The following NEMF variants were observed in gnomAD, a reference collection of about 807,000 sequenced individuals.
NEMF encodes nuclear export mediator factor.
In NEMF, 89 loss-of-function variants were observed where a neutral mutation model predicts 162.2. The observed-to-expected ratio is 0.55, with a 90% CI of 0.46 to 0.65. The LOEUF (loss-of-function observed/expected upper bound fraction) is 0.65, where lower values mean the gene tolerates loss of function less well. Ranked by LOEUF, NEMF falls within the 30% of genes least tolerant of loss-of-function variation. NEMF has a pLI of 0.00. For missense variants in NEMF, 1,133 were observed against 1,261.9 expected, an observed-to-expected ratio of 0.90 and a Z score of 1.55; for synonymous variants, 421 against 404.5, an observed-to-expected ratio of 1.04 and a Z score of -0.49.
intron 22 of NEMF, chr14:49,800,921 T>C (rs1890923786): frequency 2.1e-6 from 1 of 476,108 alleles, no homozygotes; most frequent in Admixed American, 3.8e-5. Flanking sequence ...AATAAATTTC[T>C]TGGACATTGC....
At position 49,783,052 on chromosome 14, in the gene NEMF, T is replaced by C. The variant is rs1194583983; in HGVS notation, c.*1584A>G. ...GTATAATTATATGCATTGTTGTAGT[T>C]TGCACCTGTTGGTTTTAATGTGCAT... On this transcript the variant is annotated 3_prime_UTR_variant, in exon 33 of 33. Coordinates refer to ENST00000298310, the MANE Select transcript of NEMF (RefSeq NM_004713.6). 7.7e-7 allele frequency: 1 copy of C among 1,298,428 alleles called. No homozygotes were observed. Among genetic ancestry groups the C allele is most frequent in the East Asian group, 2.4e-5 (1 of 41,126 alleles). 80.4% of individuals were successfully genotyped at this position (1,298,428 alleles called of 1,614,324 possible).
At chr14:49,817,127 T>C (rs576216454) in intron 16 of NEMF, among the ~76,000 whole-genome samples, 1 of 152,090 alleles carries the variant, frequency 6.6e-6, no homozygotes, top group East Asian at 1.9e-4. Flanking sequence ...AATATAAGGA[T>C]GGAAAGGTTG....
chr14:49,852,317 G>A (rs2140043996), intron 1 of NEMF, among the ~76,000 whole-genome samples: 1 of 152,304 alleles, frequency 6.6e-6, no homozygotes, highest in Admixed American at 6.5e-5. Context: ...CTGGGGTGAG[G>A]GGAGGGAGGT....
Position 49,789,477 on chromosome 14 carries a change from GT to G in NEMF, c.2697+18del, listed in dbSNP as rs763864035. 8.7e-6 allele frequency: 14 copies of G among 1,611,048 alleles called. No individual in the cohort carries two copies. Among genetic ancestry groups the G allele is most frequent in the African/African-American group, 1.3e-5 (1 of 74,702 alleles). On this transcript the variant is annotated intron_variant, in intron 27 of 32. Coordinates refer to ENST00000298310, the MANE Select transcript of NEMF (RefSeq NM_004713.6). The stretch of plus-strand genomic sequence containing the variant: ...CCATTTGAAAAGCAAAAGAAAAAAT[GT>G]TTTTAGATGTTATTTACCCCCAGCA...
intron 26 of NEMF, among the ~76,000 whole-genome samples, chr14:49,791,132 G>A (rs750021083): frequency 6.6e-6 from 1 of 151,408 alleles, no homozygotes; most frequent in Non-Finnish European, 1.5e-5. Flanking sequence ...TCAGGAGATC[G>A]AGACCATCCT....
intron 3 of NEMF, among the ~76,000 whole-genome samples, chr14:49,848,579 G>A (rs571758671): frequency 1.3e-5 from 2 of 152,142 alleles, no homozygotes; most frequent in Admixed American, 1.3e-4. Flanking sequence ...GCTCACGCCT[G>A]TAATCCCAGC....
intron 1 of NEMF, among the ~76,000 whole-genome samples, chr14:49,852,294 GCT>G (rs140542904): frequency 1.3e-5 from 2 of 151,592 alleles, no homozygotes; most frequent in South Asian, 2.1e-4. Flanking sequence ...AAACCGCGAT[GCT>G]CTCTCTCTCT....
chr14:49,803,940 T>A (rs1435940339), intron 19 of NEMF, among the ~76,000 whole-genome samples: 1 of 152,142 alleles, frequency 6.6e-6, no homozygotes, highest in Non-Finnish European at 1.5e-5. Flanking sequence ...CTATGTTTAC[T>A]AAAATAAAGC....
chr14:49,851,465 T>A, intron 3 of NEMF, 98 bp downstream of exon 3: 2 of 779,458 alleles, frequency 2.6e-6, no homozygotes, highest in Non-Finnish European at 4.4e-6. Context: ...CTTCATTTTA[T>A]CTGCACTTTA....
At chr14:49,800,971 G>T in intron 22 of NEMF, 1 of 351,412 alleles carries the variant, frequency 2.8e-6, no homozygotes, top group Non-Finnish European at 5.1e-6. Flanking sequence ...TGCCTTAGTT[G>T]GGTATTTCCA....
chr14:49,829,198 T>C lies in NEMF; in HGVS notation c.1088A>G (p.Gln363Arg), dbSNP rs766808622. Reference protein sequence around the residue: ...MNLQIVDRAIQVVRSALANQI... With the variant: ...MNLQIVDRAIRVVRSALANQI... ...GTTAGCTAAAGCACTTCGAACTACC[T>C]GAATGGCTCTGTCAACTATTTGTAG... The change falls in exon 13 of 33, where the codon CAG becomes CGG. Residue 363 changes from glutamine (Q) to arginine (R), a missense_variant. Around this residue, in one of 3 missense-constraint regions of NEMF, gnomAD observed 582 missense variants for 631.5 expected, o/e 0.92. Coordinates refer to ENST00000298310, the MANE Select transcript of NEMF (RefSeq NM_004713.6). 6.2e-7 allele frequency: 1 copy of C among 1,614,210 alleles called. No homozygotes were observed. The highest frequency in any genetic ancestry group is 8.5e-7 in the Non-Finnish European group (1 of 1,180,024).
chr14:49,823,110 T>C (rs1892165407), intron 16 of NEMF, among the ~76,000 whole-genome samples: 1 of 152,024 alleles, frequency 6.6e-6, no homozygotes, highest in African/African-American at 2.4e-5. Flanking sequence ...CTAATTTTTT[T>C]TGTATTTTTA....
intron 16 of NEMF, among the ~76,000 whole-genome samples, chr14:49,824,250 A>T (rs1009626793): frequency 6.6e-6 from 1 of 152,068 alleles, no homozygotes; most frequent in Non-Finnish European, 1.5e-5. Flanking sequence ...CAATACCTTT[A>T]AAAGTCTGAG....
intron 4 of NEMF, among the ~76,000 whole-genome samples, chr14:49,845,197 A>G (rs1451985083): frequency 1.3e-5 from 2 of 151,280 alleles, no homozygotes; most frequent in Non-Finnish European, 2.9e-5. Flanking sequence ...GGTTCAAGTG[A>G]TTCTCCTGCC....
chr14:49,827,762 G>A (rs1892431840), intron 15 of NEMF, among the ~76,000 whole-genome samples: 1 of 151,702 alleles, frequency 6.6e-6, no homozygotes, highest in African/African-American at 2.4e-5. Flanking sequence ...GCAGTGAGCT[G>A]AGATCAAGCC....
intron 16 of NEMF, chr14:49,818,163 C>T (rs1301656369): frequency 3.3e-5 from 5 of 150,760 alleles, no homozygotes; most frequent in African/African-American, 9.8e-5. Flanking sequence ...TCTCGGCTCA[C>T]TGCAAGCTCC....
intron 26 of NEMF, among the ~76,000 whole-genome samples, chr14:49,791,155 T>TGGA (rs1232184621): frequency 1.4e-5 from 2 of 144,346 alleles, no homozygotes; most frequent in African/African-American, 5.1e-5. Context: ...CCAACATAAG[T>TGGA]GAAACCCCGT....
chr14:49,830,450 G>A (rs1253641347), intron 11 of NEMF, among the ~76,000 whole-genome samples: 1 of 152,182 alleles, frequency 6.6e-6, no homozygotes, highest in African/African-American at 2.4e-5. Flanking sequence ...CTGGAGTGCA[G>A]TGGCACAGTC....
At chr14:49,813,677 G>A (rs1488319941) in intron 18 of NEMF, among the ~76,000 whole-genome samples, 1 of 151,814 alleles carries the variant, frequency 6.6e-6, no homozygotes, top group Non-Finnish European at 1.5e-5. Context: ...GTGTGTGTGT[G>A]TGTGTGTGTG....
Sources: gnomAD v4.1 joint callset for allele counts (sites outside exome capture counted in the v4.1 genomes callset) on GRCh38, gnomAD v4.1.1 for gene constraint, gnomAD v4.1.1 regional missense constraint, MANE v1.5 for transcripts, NCBI Gene and HGNC (gene_info 2026-07-23, HGNC 2026-07-21) for gene names.